The following SDK2 variants were observed in gnomAD, a reference collection of about 807,000 sequenced individuals.
SDK2 encodes protein sidekick-2.
SDK2 carries 105 observed loss-of-function variants against 253.9 expected under a neutral mutation model. The observed-to-expected ratio is 0.41, with a 90% CI of 0.35 to 0.49. The LOEUF is 0.49. Among genes scored for constraint, SDK2 ranks in the 20% least tolerant of loss-of-function variants. The pLI, the probability that SDK2 is intolerant of heterozygous loss-of-function variation, is 0.06. For synonymous variants in SDK2, 1,249 were observed against 1,234.9 expected, an observed-to-expected ratio of 1.01 and a Z score of -0.24; for missense variants, 2,608 against 3,003.0, an observed-to-expected ratio of 0.87 and a Z score of 3.07.
chr17:73,440,570 C>T (rs184715749), intron 6 of SDK2, among the ~76,000 whole-genome samples: 4 of 152,266 alleles, frequency 2.6e-5, no homozygotes, highest in East Asian at 1.9e-4. Flanking sequence ...CCCAGGCTGA[C>T]GTCCCCTTCC....
At chr17:73,514,419 C>T (rs940714525) in intron 1 of SDK2, among the ~76,000 whole-genome samples, 2 of 152,188 alleles carry the variant, frequency 1.3e-5, no homozygotes, top group African/African-American at 2.4e-5. Flanking sequence ...TTCAACTTTT[C>T]CCCTTCTCTG....
intron 1 of SDK2, among the ~76,000 whole-genome samples, chr17:73,528,871 C>T (rs1184527729): frequency 6.6e-6 from 1 of 152,166 alleles, no homozygotes; most frequent in African/African-American, 2.4e-5. Context: ...ACAGCCATTA[C>T]CCTTTGGACC....
At chr17:73,353,887 T>G (rs1568362561) in intron 40 of SDK2, among the ~76,000 whole-genome samples, 1 of 151,748 alleles carries the variant, frequency 6.6e-6, no homozygotes, top group South Asian at 2.1e-4. Flanking sequence ...TATTTTTTAG[T>G]AGAGACAGGG....
rs766705397 is a variant in SDK2, at chr17:73,386,510, G to A, written c.4433C>T (p.Ala1478Val). 6.4e-6 allele frequency: 10 copies of A among 1,560,772 alleles called. No individual in the cohort carries two copies. The highest frequency in any genetic ancestry group is 5.7e-5 in the Admixed American group (3 of 52,272). Residue 1478 changes from alanine to valine, a missense_variant, in exon 31 of 45, where the codon GCG becomes GTG. Around this residue, in one of 2 missense-constraint regions of SDK2, gnomAD observed 1,103 missense variants for 1,143.9 expected, o/e 0.96. Coordinates refer to ENST00000392650, the MANE Select transcript of SDK2 (RefSeq NM_001144952.2). The part of the protein sequence containing the change: ...PFTSYKFRVK[A>V]TNDIGDSEFS... ...CTCGCTGTCGCCAATGTCATTGGTC[G>A]CCTTCACTCGGAACTTGTAGGACGT...
At chr17:73,545,723 C>T (rs559298030) in intron 1 of SDK2, among the ~76,000 whole-genome samples, 2 of 152,298 alleles carry the variant, frequency 1.3e-5, no homozygotes, top group African/African-American at 4.8e-5. Context: ...ATGATACAAC[C>T]ATCAGCTACT....
intron 2 of SDK2, among the ~76,000 whole-genome samples, chr17:73,505,252 T>A (rs1237793170): frequency 6.6e-6 from 1 of 152,192 alleles, no homozygotes; most frequent in African/African-American, 2.4e-5. Context: ...CCCACTCTGC[T>A]GTCAGACAAC....
chr17:73,344,868 A>G (rs1325642922), intron 44 of SDK2, among the ~76,000 whole-genome samples: 1 of 152,192 alleles, frequency 6.6e-6, no homozygotes, highest in Non-Finnish European at 1.5e-5. Flanking sequence ...AGCCAGCTGC[A>G]AACCTGCACG....
chr17:73,548,792 T>TG (rs1165063274), intron 1 of SDK2, among the ~76,000 whole-genome samples: 1 of 152,130 alleles, frequency 6.6e-6, no homozygotes, highest in African/African-American at 2.4e-5. Flanking sequence ...CTCTGCATGG[T>TG]GGGGGGCCTT....
Position 73,380,894 on chromosome 17 carries a change from T to G in SDK2, c.4762A>C (p.Asn1588His). 6.4e-7 allele frequency: 1 copy of G among 1,561,916 alleles called. No individual in the cohort carries two copies. The highest frequency in any genetic ancestry group is 8.7e-7 in the Non-Finnish European group (1 of 1,153,168). The change falls in exon 34 of 45, where the codon AAC becomes CAC. Residue 1588 changes from asparagine (N) to histidine (H), a missense_variant and splice_region_variant. Transcript: ENST00000392650. ...GAAGCCACCATGCAAGGAGACTTAC[T>G]GTCCAGCTCGTACTGCGTGAGGCTG... ...RPSLTQYELD[N>H]LNKHRRYEIR...
At chr17:73,569,556 A>G (rs1296447647) in intron 1 of SDK2, among the ~76,000 whole-genome samples, 3 of 147,240 alleles carry the variant, frequency 2.0e-5, no homozygotes, top group Non-Finnish European at 3.0e-5. Flanking sequence ...TCACGTGGTG[A>G]GGGATGGGGG....
chr17:73,414,816 C>A, intron 17 of SDK2, 57 bp from the exon 18 acceptor site: 1 of 1,135,428 alleles, frequency 8.8e-7, no homozygotes, highest in Non-Finnish European at 1.3e-6. Context: ...TCTCTCTTGC[C>A]CAGTTCAGTA....
At chr17:73,432,874 A>G (rs1465090564) in intron 10 of SDK2, among the ~76,000 whole-genome samples, 1 of 151,864 alleles carries the variant, frequency 6.6e-6, no homozygotes, top group East Asian at 1.9e-4. Flanking sequence ...GTGTGTGCAT[A>G]TGTGTGTGTG....
rs557859613 is a variant in SDK2, at chr17:73,352,382, C to T, written c.5758+91G>A. The T allele has an allele frequency of 6.5e-5, 95 of 1,459,370 alleles. No individual in the cohort carries two copies. Among genetic ancestry groups the T allele is most frequent in the Non-Finnish European group, 8.3e-5 (90 of 1,083,548 alleles). 90.4% of individuals were successfully genotyped at this position (1,459,370 alleles called of 1,614,324 possible). On this transcript the variant is annotated intron_variant, in intron 41 of 44. Coordinates refer to ENST00000392650, the MANE Select transcript of SDK2 (RefSeq NM_001144952.2). The surrounding 1 kb of genome is among the most constrained non-coding windows in gnomAD (Gnocchi z 4.1). ...TGTTCCCGCCCCATGCTCCTGGTGC[C>T]CTGGTGCCTCTCCTCCTTCCGCCCT...
chr17:73,596,460 G>A (rs532157655), intron 1 of SDK2, among the ~76,000 whole-genome samples: 1 of 152,286 alleles, frequency 6.6e-6, no homozygotes, highest in South Asian at 2.1e-4. Flanking sequence ...GTGAATGTAC[G>A]AAAACTCCTA....
At chr17:73,574,744 T>C (rs1008592443) in intron 1 of SDK2, among the ~76,000 whole-genome samples, 7 of 152,224 alleles carry the variant, frequency 4.6e-5, no homozygotes, top group Non-Finnish European at 1.0e-4. Flanking sequence ...CTCTAGACAC[T>C]TTCTACCACC....
chr17:73,392,546 G>A (rs1398998323), intron 27 of SDK2, among the ~76,000 whole-genome samples: 1 of 152,198 alleles, frequency 6.6e-6, no homozygotes, highest in African/African-American at 2.4e-5. Context: ...TAGGATTACA[G>A]GCGTGAGCCA....
intron 4 of SDK2, among the ~76,000 whole-genome samples, chr17:73,448,723 C>T (rs1324019933): frequency 2.0e-5 from 3 of 147,794 alleles, no homozygotes; most frequent in African/African-American, 7.5e-5. Flanking sequence ...TGCAATGGTA[C>T]GATCTTGGCT....
chr17:73,563,215 T>C (rs1471995330), intron 1 of SDK2, among the ~76,000 whole-genome samples: 5 of 152,240 alleles, frequency 3.3e-5, no homozygotes, highest in Non-Finnish European at 7.3e-5. Context: ...CCCCCAGAAG[T>C]ATCAGGCAAA....
chr17:73,591,827 C>A (rs1274684613), intron 1 of SDK2, among the ~76,000 whole-genome samples: 1 of 152,098 alleles, frequency 6.6e-6, no homozygotes, highest in Non-Finnish European at 1.5e-5. Flanking sequence ...GGGGCAATAC[C>A]AGAGGGCAGC....
Sources: gnomAD v4.1 joint callset for allele counts (sites outside exome capture counted in the v4.1 genomes callset) on GRCh38, gnomAD v4.1.1 for gene constraint, gnomAD v4.1.1 regional missense constraint, Gnocchi (gnomAD v3.1) non-coding constraint, MANE v1.5 for transcripts, NCBI Gene and HGNC (gene_info 2026-07-23, HGNC 2026-07-21) for gene names.